DBH: variants seen among roughly 807,000 people sequenced by gnomAD.
DBH encodes the protein dopamine beta-hydroxylase.
A neutral mutation model predicts 64.0 loss-of-function variants in DBH; 49 were observed. That is an observed-to-expected ratio of 0.77 (90% CI 0.61 to 0.97). The LOEUF (loss-of-function observed/expected upper bound fraction) is 0.97. Among genes scored for constraint, DBH ranks in the 50% least tolerant of loss-of-function variants. DBH has a pLI of 0.00. For missense variants in DBH, 828 were observed against 826.6 expected, an observed-to-expected ratio of 1.00 and a Z score of -0.02; for synonymous variants, 343 against 347.1, an observed-to-expected ratio of 0.99 and a Z score of 0.13.
At chr9:133,646,842 TCA>T (rs1350676604) in intron 5 of DBH, among the ~76,000 whole-genome samples, 1 of 152,124 alleles carries the variant, frequency 6.6e-6, no homozygotes, top group Non-Finnish European at 1.5e-5. Context: ...CCTCTGACCA[TCA>T]GTTTCATGTG....
chr9:133,652,802 C>T (rs190529525), intron 8 of DBH, 138 bp from the exon 9 acceptor site: 6 of 705,534 alleles, frequency 8.5e-6, no homozygotes, highest in East Asian at 8.0e-5. Context: ...ATCTGCTGGG[C>T]TCCTTGTAGT....
rs1193081296 is a variant in DBH at position 133,656,621 on chromosome 9, C to T, written c.1533C>T (p.Phe511=). 1.9e-6 allele frequency: 3 copies of T among 1,613,126 alleles called. No individual in the cohort carries two copies. Among genetic ancestry groups the T allele is most frequent in the Non-Finnish European group, 2.5e-6 (3 of 1,180,002 alleles). The change falls in exon 10 of 12, where the codon TTC becomes TTT. Residue 511 remains phenylalanine, a synonymous_variant. Transcript: ENST00000393056. ...GCAAGAGCGCTGTGGACGCCGGCTT[C>T]CTGCAGAAGTACTTCCACCTCATCA... ...ELCKSAVDAG[F]LQKYFHLINR...
Position 133,659,100 on chromosome 9 carries a change from G to T in DBH, c.*653G>T, listed in dbSNP as rs147922609. On this transcript the variant is annotated 3_prime_UTR_variant, in exon 12 of 12. Transcript: ENST00000393056. ...AGATCCAGCGGGGCTTCTGGGCGCC[G>T]GTTCCACGTGGGGTGGAATTATTAG... 2 of 152,244 alleles carry T rather than the reference G, an allele frequency of 1.3e-5. No individual in the cohort carries two copies. Among genetic ancestry groups the T allele is most frequent in the African/African-American group, 4.8e-5 (2 of 41,456 alleles). 9.4% of individuals were successfully genotyped at this position (152,244 alleles called of 1,614,324 possible).
chr9:133,658,328 C>A lies in DBH; in HGVS notation c.1735C>A (p.Leu579Met). 1 of 1,613,998 alleles carries A rather than the reference C, an allele frequency of 6.2e-7. No homozygotes were observed. Among genetic ancestry groups the A allele is most frequent in the Non-Finnish European group, 8.5e-7 (1 of 1,179,930 alleles). ...CCCTTCCTTGCAGGGTGAATGGAAC[C>A]TGCAGCCCCTGCCCAAGGTCATCTC... ...SAVRFQGEWN[L>M]QPLPKVISTL... Residue 579 changes from leucine to methionine, a missense_variant, in exon 12 of 12, where the codon CTG becomes ATG. By Grantham distance (15) the Leu-to-Met change is conservative (BLOSUM62 2). Coordinates refer to ENST00000393056, the MANE Select transcript of DBH (RefSeq NM_000787.4).
chr9:133,647,574 C>CA (rs1832196512), intron 5 of DBH, among the ~76,000 whole-genome samples: 1 of 152,234 alleles, frequency 6.6e-6, no homozygotes, highest in African/African-American at 2.4e-5. Flanking sequence ...CTTTCCATAG[C>CA]ATTCAACTAG....
At chr9:133,640,212 C>T (rs1039137439) in intron 2 of DBH, among the ~76,000 whole-genome samples, 76 of 152,194 alleles carry the variant, frequency 5.0e-4, no homozygotes, top group African/African-American at 7.7e-4. Flanking sequence ...CCCTCAAAGA[C>T]GCAGCTCTTT....
intron 1 of DBH, among the ~76,000 whole-genome samples, chr9:133,638,459 C>T (rs910584139): frequency 2.6e-5 from 4 of 152,194 alleles, no homozygotes; most frequent in East Asian, 3.9e-4. Flanking sequence ...GCCAAGGGCC[C>T]GAGGCTTTCT....
At position 133,656,599 on chromosome 9, in the gene DBH, A is replaced by G. The variant is rs1319044204; in HGVS notation, c.1511A>G (p.Lys504Arg). Residue 504 changes from lysine to arginine, a missense_variant, in exon 10 of 12, where the codon AAG becomes AGG. Transcript: ENST00000393056. ...CCCCAGACGCAGCTGGAGCTCTGCA[A>G]GAGCGCTGTGGACGCCGGCTTCCTG... ...YYPQTQLELC[K>R]SAVDAGFLQK... The G allele has an allele frequency of 7.4e-6, 12 of 1,613,594 alleles. No individual in the cohort carries two copies. Among genetic ancestry groups the G allele is most frequent in the Non-Finnish European group, 1.0e-5 (12 of 1,180,024 alleles).
In DBH at chr9:133,658,454, A is replaced by G. The variant is rs1564216581; in HGVS notation, c.*7A>G. ...TGGTGGGGGCAAAGGCTGAGGGGGG[A>G]CCTACTCCTCCCCCTCCTCCATGCT... On this transcript the variant is annotated 3_prime_UTR_variant, in exon 12 of 12. Coordinates refer to ENST00000393056, the MANE Select transcript of DBH (RefSeq NM_000787.4). 4 of 1,601,590 alleles carry G rather than the reference A, an allele frequency of 2.5e-6. No individual in the cohort carries two copies. The highest frequency in any genetic ancestry group is 2.7e-5 in the African/African-American group (2 of 74,450).
rs757682325 is a variant in DBH at position 133,657,073 on chromosome 9, C to T, written c.1566C>T (p.Phe522=). Residue 522 remains phenylalanine (F), a synonymous_variant, in exon 11 of 12, where the codon TTC becomes TTT. Coordinates refer to ENST00000393056, the MANE Select transcript of DBH (RefSeq NM_000787.4). ...GGCTGTTCCTTGTCCCCACCAGGTT[C>T]AACAACGAGGATGTCTGCACCTGCC... is the stretch of plus-strand genomic sequence containing the variant. The part of the protein sequence containing the change: ...LQKYFHLINR[F]NNEDVCTCPQ... 2 of 1,613,866 alleles carry T rather than the reference C, an allele frequency of 1.2e-6. No individual in the cohort carries two copies.
chr9:133,656,921 G>A, intron 10 of DBH, 149 bp from the exon 11 acceptor site: 1 of 975,408 alleles, frequency 1.0e-6, no homozygotes, highest in Non-Finnish European at 1.6e-6. Context: ...CATCTGGGGT[G>A]GCCTGGCGGA....
In DBH at chr9:133,643,689, G is replaced by A; in HGVS notation, c.921+100G>A. The A allele has an allele frequency of 7.0e-7, 1 of 1,438,092 alleles. No individual in the cohort carries two copies. The highest frequency in any genetic ancestry group is 9.5e-7 in the Non-Finnish European group (1 of 1,049,508). 89.1% of individuals were successfully genotyped at this position (1,438,092 alleles called of 1,614,324 possible). On this transcript the variant is annotated intron_variant, in intron 4 of 11. Coordinates refer to ENST00000393056, the MANE Select transcript of DBH (RefSeq NM_000787.4). This position sits in a 1 kb window ranked among gnomAD's most constrained non-coding sequence, Gnocchi z 5.3. The stretch of plus-strand genomic sequence containing the variant: ...TTCACCGTCTCAGAGGCTTCAAGAA[G>A]GGGCTCCCAAGGGGGCTCACGAGGC...
At chr9:133,648,468 C>A (rs1045088610) in intron 6 of DBH, among the ~76,000 whole-genome samples, 4 of 152,196 alleles carry the variant, frequency 2.6e-5, no homozygotes, top group African/African-American at 7.2e-5. Flanking sequence ...TGTTAGAAAC[C>A]TTTTGTGTTT....
intron 1 of DBH, among the ~76,000 whole-genome samples, 195 bp downstream of exon 1, chr9:133,636,905 G>A (rs887531030): frequency 6.6e-6 from 1 of 152,130 alleles, no homozygotes; most frequent in Non-Finnish European, 1.5e-5. Flanking sequence ...GACAAAATAG[G>A]AAAGACATGC....
At chr9:133,649,352 G>T (rs529821969) in intron 6 of DBH, among the ~76,000 whole-genome samples, 1 of 152,182 alleles carries the variant, frequency 6.6e-6, no homozygotes, top group Non-Finnish European at 1.5e-5. Flanking sequence ...AAGTGTTGAC[G>T]TACCCATTTC....
At chr9:133,647,696 T>C in intron 5 of DBH, 150 bp from the exon 6 acceptor site, 1 of 902,380 alleles carries the variant, frequency 1.1e-6, no homozygotes, top group Non-Finnish European at 1.8e-6. Flanking sequence ...AGCCAGCTCT[T>C]GGTCTGCCTA....
chr9:133,656,074 A>T (rs565322091), intron 9 of DBH: 1 of 297,666 alleles, frequency 3.4e-6, no homozygotes, highest in South Asian at 3.3e-5. Context: ...TGCAGTGGAA[A>T]GGGCCTCCCT....
chr9:133,647,767 A>T, intron 5 of DBH, 79 bp from the exon 6 acceptor site: 2 of 1,572,380 alleles, frequency 1.3e-6, no homozygotes, highest in Non-Finnish European at 1.7e-6. Flanking sequence ...GGCTGGGGTC[A>T]TAGGGATAAT....
At chr9:133,651,500 G>A in intron 6 of DBH, 134 bp from the exon 7 acceptor site, 1 of 1,154,930 alleles carries the variant, frequency 8.7e-7, no homozygotes, top group Non-Finnish European at 1.3e-6. Flanking sequence ...TGGCCGGGGA[G>A]AAAGACCTAG....
Sources: gnomAD v4.1 joint callset for allele counts (sites outside exome capture counted in the v4.1 genomes callset) on GRCh38, gnomAD v4.1.1 for gene constraint, Gnocchi (gnomAD v3.1) non-coding constraint, MANE v1.5 for transcripts, NCBI Gene and HGNC (gene_info 2026-07-23, HGNC 2026-07-21) for gene names.